DPP10: variants seen among roughly 807,000 people sequenced by gnomAD.
DPP10 encodes the protein dipeptidyl peptidase like 10, also known as inactive dipeptidyl peptidase 10.
Under a neutral mutation model 120.9 loss-of-function variants are expected in DPP10, and 33 were observed. The observed-to-expected ratio is 0.27, with a 90% CI of 0.21 to 0.37. The LOEUF is 0.37. DPP10 is among the 10% of genes least tolerant of loss of function. The probability of loss-of-function intolerance (pLI) is 1.00; values close to 1 mark genes in which losing one functional copy is unlikely to be tolerated. For missense variants in DPP10, 816 were observed against 942.8 expected, an observed-to-expected ratio of 0.87 and a Z score of 1.76; for synonymous variants, 337 against 326.1, an observed-to-expected ratio of 1.03 and a Z score of -0.36.
intron 3 of DPP10, among the ~76,000 whole-genome samples, chr2:115,453,716 A>G (rs1199031342): frequency 6.6e-6 from 1 of 151,584 alleles, no homozygotes; most frequent in East Asian, 1.9e-4. Context: ...TCCCTAGCTT[A>G]ATCTTAAGAA....
chr2:114,561,447 A>G (rs1688755256), intron 1 of DPP10, among the ~76,000 whole-genome samples: 1 of 152,118 alleles, frequency 6.6e-6, no homozygotes, highest in Admixed American at 6.5e-5. Context: ...ACACACGTAC[A>G]CACCACATAC....
intron 1 of DPP10, among the ~76,000 whole-genome samples, chr2:115,157,580 A>G (rs973584991): frequency 1.3e-5 from 2 of 152,212 alleles, no homozygotes; most frequent in African/African-American, 4.8e-5. Flanking sequence ...TTTACTGGTT[A>G]GAGCTTCTAA....
chr2:114,633,746 T>G (rs373346217), intron 1 of DPP10, among the ~76,000 whole-genome samples: 1 of 151,720 alleles, frequency 6.6e-6, no homozygotes, highest in East Asian at 1.9e-4. Context: ...CCCGATTAGC[T>G]GGATTACAGG....
At chr2:114,983,366 TGG>T (rs1700203795) in intron 1 of DPP10, among the ~76,000 whole-genome samples, 1 of 152,232 alleles carries the variant, frequency 6.6e-6, no homozygotes, top group Non-Finnish European at 1.5e-5. Flanking sequence ...AACTTATTAA[TGG>T]ATATTGAATT....
chr2:115,636,609 TGAGAGAAG>T (rs1290739357), intron 5 of DPP10, among the ~76,000 whole-genome samples: 1 of 148,020 alleles, frequency 6.8e-6, no homozygotes, highest in South Asian at 2.1e-4. Context: ...AGAGAGAGAG[TGAGAGAAG>T]GAGAGAAGGA....
At chr2:114,497,257 G>A (rs530955688) in intron 1 of DPP10, among the ~76,000 whole-genome samples, 9 of 102,756 alleles carry the variant, frequency 8.8e-5, no homozygotes, top group African/African-American at 2.7e-4. Flanking sequence ...ATGCATGTAC[G>A]TGTGTATACA....
rs995845447 is a variant in DPP10, at chr2:115,800,220, G to A, written c.1700+8864G>A. On this transcript the variant is annotated intron_variant, in intron 19 of 25. Transcript: ENST00000410059. ...GCATTTTTTCATGTGTCTTTTGGCT[G>A]CATAAATGTCTTTTTTTGAGAAGTG... Among the ~76,000 whole-genome samples, 25 of 151,820 alleles carry A rather than the reference G, an allele frequency of 1.6e-4. 1 individual carries two copies. The highest frequency in any genetic ancestry group is 1.4e-3 in the Admixed American group (22 of 15,244).
intron 1 of DPP10, among the ~76,000 whole-genome samples, chr2:115,085,138 C>T (rs1708587108): frequency 6.6e-6 from 1 of 152,208 alleles, no homozygotes; most frequent in African/African-American, 2.4e-5. Context: ...GAATAGCATT[C>T]TGCAGTTCTG....
chr2:115,364,848 A>G (rs1039121164), intron 3 of DPP10, among the ~76,000 whole-genome samples: 3 of 152,106 alleles, frequency 2.0e-5, no homozygotes, highest in Non-Finnish European at 4.4e-5. Flanking sequence ...GAAGATTGAC[A>G]CAATTGTGAA....
At chr2:115,052,605 C>G (rs958809234) in intron 1 of DPP10, among the ~76,000 whole-genome samples, 4 of 152,032 alleles carry the variant, frequency 2.6e-5, no homozygotes, top group Admixed American at 2.0e-4. Context: ...TAGAGAAATG[C>G]AAATCAAAAC....
chr2:114,585,731 A>C (rs1690920734), intron 1 of DPP10, among the ~76,000 whole-genome samples: 1 of 152,132 alleles, frequency 6.6e-6, no homozygotes, highest in Non-Finnish European at 1.5e-5. Context: ...TCCCATTAGA[A>C]ATGATGGTGG....
At chr2:114,639,722 TA>T (rs1452791987) in intron 1 of DPP10, among the ~76,000 whole-genome samples, 1 of 151,968 alleles carries the variant, frequency 6.6e-6, no homozygotes, top group East Asian at 1.9e-4. Context: ...ATTTCAAGTT[TA>T]AGGCCTTTAT....
intron 1 of DPP10, among the ~76,000 whole-genome samples, chr2:114,750,652 TTCC>T (rs1257359106): frequency 6.6e-6 from 1 of 152,168 alleles, no homozygotes; most frequent in Admixed American, 6.5e-5. Flanking sequence ...CTTTTAACAC[TTCC>T]TCAAGGAGCC....
At chr2:115,338,206 A>G (rs1002405199) in intron 2 of DPP10, among the ~76,000 whole-genome samples, 4 of 152,136 alleles carry the variant, frequency 2.6e-5, no homozygotes, top group Non-Finnish European at 4.4e-5. Flanking sequence ...ATTTAAATAA[A>G]AGTTTAACAT....
chr2:115,069,408 G>C (rs888692750), intron 1 of DPP10, among the ~76,000 whole-genome samples: 2 of 152,124 alleles, frequency 1.3e-5, no homozygotes, highest in South Asian at 4.2e-4. Context: ...ATACACTGAA[G>C]TTGCTTATTA....
intron 1 of DPP10, among the ~76,000 whole-genome samples, chr2:114,905,116 G>C (rs1574459381): frequency 6.6e-6 from 1 of 152,080 alleles, no homozygotes; most frequent in Non-Finnish European, 1.5e-5. Context: ...ACTTTTGCCA[G>C]CAACCATGTC....
intron 1 of DPP10, among the ~76,000 whole-genome samples, chr2:114,721,024 G>A (rs201640277): frequency 6.6e-6 from 1 of 151,872 alleles, no homozygotes; most frequent in Non-Finnish European, 1.5e-5. Flanking sequence ...ACTTTTGAGG[G>A]CTAAGCCCCT....
At chr2:115,194,707 G>C (rs1351254425) in intron 1 of DPP10, among the ~76,000 whole-genome samples, 1 of 152,104 alleles carries the variant, frequency 6.6e-6, no homozygotes, top group Admixed American at 6.5e-5. Context: ...AACTGTACCT[G>C]ACTAATTCTA....
At chr2:114,784,525 TA>T (rs1161701118) in intron 1 of DPP10, among the ~76,000 whole-genome samples, 2 of 152,106 alleles carry the variant, frequency 1.3e-5, no homozygotes, top group Non-Finnish European at 1.5e-5. Flanking sequence ...TATGTTCCTA[TA>T]AAAAATATTA....
Sources: allele counts gnomAD v4.1 joint callset (sites outside exome capture counted in the v4.1 genomes callset), GRCh38; gene constraint gnomAD v4.1.1; transcripts MANE v1.5; gene names NCBI Gene and HGNC (gene_info 2026-07-23, HGNC 2026-07-21).